The following SLC26A9 variants were observed in gnomAD, a reference collection of about 807,000 sequenced individuals.
SLC26A9 encodes solute carrier family 26 member 9.
A neutral mutation model predicts 87.1 loss-of-function variants in SLC26A9; 46 were observed. That is an observed-to-expected ratio of 0.53 (90% CI 0.42 to 0.67). SLC26A9 has a LOEUF of 0.67. SLC26A9 is among the 30% of genes least tolerant of loss of function. The pLI, the probability that SLC26A9 is intolerant of heterozygous loss-of-function variation, is 0.00. For missense variants in SLC26A9, 927 were observed against 1,018.3 expected, an observed-to-expected ratio of 0.91 and a Z score of 1.22; for synonymous variants, 437 against 409.1, an observed-to-expected ratio of 1.07 and a Z score of -0.82.
chr1:205,943,024 G>C (rs2102612529), intron 1 of SLC26A9, among the ~76,000 whole-genome samples: 1 of 152,330 alleles, frequency 6.6e-6, no homozygotes, highest in East Asian at 1.9e-4. Flanking sequence ...CAGCTTCAAA[G>C]GCTGTCGCGG....
At chr1:205,933,575 A>T (rs879794304) in intron 2 of SLC26A9, among the ~76,000 whole-genome samples, 20 of 152,316 alleles carry the variant, frequency 1.3e-4, no homozygotes, top group Middle Eastern at 6.8e-3. Context: ...TCTCCTGTTC[A>T]TCTTTGTACA....
chr1:205,921,306 G>A (rs931438055), intron 17 of SLC26A9, among the ~76,000 whole-genome samples: 35 of 152,172 alleles, frequency 2.3e-4, no homozygotes, highest in African/African-American at 7.7e-4. Flanking sequence ...GGCCACTGCT[G>A]GGGGTGTTGG....
In SLC26A9 at chr1:205,932,775, G is replaced by T; in HGVS notation, c.303C>A (p.Val101=). ...AFALLANLPA[V]NGLYSSFFPL... ...GGAAGAAGGAGGAGTAGAGGCCATT[G>T]ACTGCAGGAAGGTTGGCCAGCAGAG... The change falls in exon 4 of 21, where the codon GTC becomes GTA. Residue 101 remains valine (V), a synonymous_variant. Coordinates refer to ENST00000367135, the MANE Select transcript of SLC26A9 (RefSeq NM_052934.4). 6.2e-7 allele frequency: 1 copy of T among 1,600,882 alleles called. No individual in the cohort carries two copies. The highest frequency in any genetic ancestry group is 1.1e-5 in the South Asian group (1 of 88,042).
intron 5 of SLC26A9, among the ~76,000 whole-genome samples, chr1:205,930,534 C>T (rs1443782654): frequency 6.6e-6 from 1 of 152,150 alleles, no homozygotes; most frequent in African/African-American, 2.4e-5. Context: ...CCAACAGGTC[C>T]CCTGCCTTGA....
At chr1:205,917,811 T>C (rs1571728278) in intron 19 of SLC26A9, among the ~76,000 whole-genome samples, 1 of 152,222 alleles carries the variant, frequency 6.6e-6, no homozygotes, top group Non-Finnish European at 1.5e-5. Flanking sequence ...TTATATAAAA[T>C]ATAAATTATT....
Position 205,935,692 on chromosome 1 carries a change from T to C in SLC26A9, c.125+4A>G. 1 of 1,613,926 alleles carries C rather than the reference T, an allele frequency of 6.2e-7. No homozygotes were observed. The highest frequency in any genetic ancestry group is 2.2e-5 in the East Asian group (1 of 44,880). On this transcript the variant is annotated splice_donor_region_variant and intron_variant, in intron 2 of 20. Transcript: ENST00000367135. ...GGCAGAAGTCTGGGCTCTGGACCAG[T>C]TACCTGAAGGCATTGCGAAGTTTCT... is the stretch of plus-strand genomic sequence containing the variant.
At chr1:205,916,035 G>A (rs1332386856) in intron 20 of SLC26A9, among the ~76,000 whole-genome samples, 4 of 152,186 alleles carry the variant, frequency 2.6e-5, no homozygotes, top group Non-Finnish European at 5.9e-5. Flanking sequence ...GGCATTGGTG[G>A]GGTGGTGTTA....
rs1309310244 is a variant in SLC26A9, at chr1:205,928,093, G to T, written c.954-44C>A. ...GGAGGCAGAACCCAAGGGTGTGAGT[G>T]GGGAGGGCAGCCAAGTCCTTCACCA... On this transcript the variant is annotated intron_variant, in intron 8 of 20. Coordinates refer to ENST00000367135, the MANE Select transcript of SLC26A9 (RefSeq NM_052934.4). 5 of 1,593,462 alleles carry T rather than the reference G, an allele frequency of 3.1e-6. No individual in the cohort carries two copies. The South Asian group carries it at 3.4e-5, about 11-fold the overall frequency.
chr1:205,919,830 C>T (rs772356241), intron 18 of SLC26A9, among the ~76,000 whole-genome samples: 4 of 152,150 alleles, frequency 2.6e-5, no homozygotes, highest in Admixed American at 6.5e-5. Flanking sequence ...TCCATCTAGT[C>T]AACCCTCTCG....
In SLC26A9 at chr1:205,931,934, C is replaced by T. The variant is rs757711394; in HGVS notation, c.478G>A (p.Val160Met). 1.6e-5 allele frequency: 26 copies of T among 1,614,126 alleles called. No individual in the cohort carries two copies. In the South Asian group the frequency reaches 2.4e-4, roughly 15 times the overall value. Residue 160 changes from valine (V) to methionine (M), a missense_variant, in exon 5 of 21, where the codon GTG becomes ATG. Coordinates refer to ENST00000367135, the MANE Select transcript of SLC26A9 (RefSeq NM_052934.4). ...TCAGCCTCCATGGCTGCTGTGTCCA[C>T]ATAGCTCTCATTGGTGGCATTGTTG... ...VFNNATNESYVDTAAMEAERL... is the reference protein window; with the variant it reads ...VFNNATNESYMDTAAMEAERL...
chr1:205,923,034 G>T, intron 16 of SLC26A9, 48 bp downstream of exon 16: 1 of 1,565,400 alleles, frequency 6.4e-7, no homozygotes, highest in Non-Finnish European at 8.8e-7. Flanking sequence ...GGCAGTATCA[G>T]AATGGGCAGG....
At position 205,921,773 on chromosome 1, in the gene SLC26A9, C is replaced by T. The variant is rs776579235; in HGVS notation, c.1848G>A (p.Pro616=). The change falls in exon 17 of 21, where the codon CCG becomes CCA. Residue 616 remains proline, a synonymous_variant. Transcript: ENST00000367135. ...TATAGGACACGCTGGTGCCGTTAGC[C>T]GGGGTCTGGTTGTTGTTGGGGTCGG... ...PPTDPNNNQT[P]ANGTSVSYIT... 1.1e-5 allele frequency: 17 copies of T among 1,602,680 alleles called. No individual in the cohort carries two copies. The highest frequency in any genetic ancestry group is 9.0e-5 in the South Asian group (8 of 89,160).
intron 4 of SLC26A9, 142 bp downstream of exon 4, chr1:205,932,560 C>T (rs1659348787): frequency 1.6e-6 from 1 of 623,170 alleles, no homozygotes; most frequent in Non-Finnish European, 2.6e-6. Flanking sequence ...CTGGAAATGA[C>T]ATTCACAGTG....
At chr1:205,934,731 T>TGAG (rs1659440249) in intron 2 of SLC26A9, among the ~76,000 whole-genome samples, 1 of 152,232 alleles carries the variant, frequency 6.6e-6, no homozygotes, top group Admixed American at 6.5e-5. Flanking sequence ...CTTCTCATCC[T>TGAG]CAGACTTTGT....
rs79688078 is a variant in SLC26A9 at position 205,926,300 on chromosome 1, C to T, written c.1389+235G>A. Among the ~76,000 whole-genome samples the T allele has an allele frequency of 1.5e-3, 221 of 152,250 alleles. 2 individuals are homozygous for T. In the South Asian group the frequency reaches 0.015, roughly 10 times the overall value. ...AATAACCATTTGCCCAGTTAAGACA[C>T]CAAGACTGGGAAAGGTTAAGGGGCT... is the stretch of plus-strand genomic sequence containing the variant. On this transcript the variant is annotated intron_variant, in intron 12 of 20. Coordinates refer to ENST00000367135, the MANE Select transcript of SLC26A9 (RefSeq NM_052934.4).
intron 13 of SLC26A9, 74 bp from the exon 14 acceptor site, chr1:205,923,687 G>T: frequency 6.4e-7 from 1 of 1,556,282 alleles, no homozygotes; most frequent in Non-Finnish European, 8.8e-7. Flanking sequence ...CCCCTGCTGG[G>T]GCGGGGGCAG....
Position 205,916,962 on chromosome 1 carries a change from G to A in SLC26A9, c.2328+321C>T, listed in dbSNP as rs191713246. On this transcript the variant is annotated intron_variant, in intron 20 of 20. Transcript: ENST00000367135. Reference sequence around the variant, plus strand: ...CTAAAAATACAAAAATTAGCTGGGCGCAGGCCTGAAGTCCCAGCTACTCGG... The same window carrying A: ...CTAAAAATACAAAAATTAGCTGGGCACAGGCCTGAAGTCCCAGCTACTCGG... Among the ~76,000 whole-genome samples, 5 of 152,052 alleles carry A rather than the reference G, an allele frequency of 3.3e-5. No individual in the cohort carries two copies. The East Asian group carries it at 7.8e-4, about 24-fold the overall frequency.
chr1:205,924,308 C>G (rs935715416), intron 13 of SLC26A9, 75 bp downstream of exon 13: 6 of 1,393,368 alleles, frequency 4.3e-6, no homozygotes, highest in Non-Finnish European at 6.1e-6. Flanking sequence ...TAAGCCAGGC[C>G]GTGGCATGGA....
rs760978981 is a variant in SLC26A9 at position 205,920,205 on chromosome 1, C to G, written c.2081G>C (p.Gly694Ala). 6.2e-7 allele frequency: 1 copy of G among 1,614,060 alleles called. No homozygotes were observed. Among genetic ancestry groups the G allele is most frequent in the Non-Finnish European group, 8.5e-7 (1 of 1,179,936 alleles). The change falls in exon 18 of 21, where the codon GGC becomes GCC. Residue 694 changes from glycine (G) to alanine (A), a missense_variant. By Grantham distance (60) the Gly-to-Ala change is moderately conservative. Transcript: ENST00000367135. ...AKLSSTYGKI[G>A]VKVFLVNIHA... ...GATGTTCACCAAGAAGACCTTCACGCCGATCTTCCCATAGGTGGAGCTCAG... is the reference window on the plus strand; with the variant it reads ...GATGTTCACCAAGAAGACCTTCACGGCGATCTTCCCATAGGTGGAGCTCAG...
Sources: allele counts gnomAD v4.1 joint callset (sites outside exome capture counted in the v4.1 genomes callset), GRCh38; gene constraint gnomAD v4.1.1; transcripts MANE v1.5; gene names NCBI Gene and HGNC (gene_info 2026-07-23, HGNC 2026-07-21).